Variants in RELCH observed in about 807,000 individuals in gnomAD.
RELCH encodes RAB11 binding and LisH domain, coiled-coil and HEAT repeat containing.
In RELCH, 41 loss-of-function variants were observed where a neutral mutation model predicts 150.3. That is an observed-to-expected ratio of 0.27 (90% CI 0.21 to 0.35). The LOEUF (loss-of-function observed/expected upper bound fraction) is 0.35, where lower values mean the gene tolerates loss of function less well. RELCH is among the 10% of genes least tolerant of loss of function. RELCH has a pLI of 1.00. For missense variants in RELCH, 1,092 were observed against 1,467.8 expected (o/e 0.74, Z 4.18); for synonymous variants, 478 against 531.8 (o/e 0.90, Z 1.39).
intron 27 of RELCH, among the ~76,000 whole-genome samples, chr18:62,293,001 A>G (rs181066263): frequency 2.7e-4 from 41 of 152,242 alleles, no homozygotes. Context: ...GCCTTTTATC[A>G]TCTGACACCT....
chr18:62,304,272 A>G (rs899343810), intron 28 of RELCH, among the ~76,000 whole-genome samples: 3 of 152,182 alleles, frequency 2.0e-5, no homozygotes, highest in Non-Finnish European at 4.4e-5. Context: ...AACCTTAGGG[A>G]AGATTACTTT....
chr18:62,189,272 G>GTTTTTTTTTTTTTTT (rs2038431803), intron 1 of RELCH, among the ~76,000 whole-genome samples: 1 of 107,556 alleles, frequency 9.3e-6, no homozygotes, highest in Non-Finnish European at 2.0e-5. Context: ...TTTTTTTTTT[G>GTTTTTTTTTTTTTTT]TTGTTTTTTT....
At chr18:62,258,404 C>A in intron 14 of RELCH, 108 bp from the exon 15 acceptor site, 3 of 1,026,220 alleles carry the variant, frequency 2.9e-6, no homozygotes, top group Non-Finnish European at 4.2e-6. Flanking sequence ...TTCTTTCTTG[C>A]TTAAAAATAT....
In RELCH at chr18:62,187,361, G is replaced by A; in HGVS notation, c.-145G>A. 1.5e-6 allele frequency: 1 copy of A among 683,130 alleles called. No homozygotes were observed. 42.3% of individuals were successfully genotyped at this position (683,130 alleles called of 1,614,324 possible). On this transcript the variant is annotated 5_prime_UTR_variant, in exon 1 of 29. Transcript: ENST00000644646. ...CTGCATCCGGATCTCCTGCCTTGGA[G>A]CGTACTCCTTGTCTCTAAGTCGGGA...
chr18:62,187,340 A>G lies in RELCH; in HGVS notation c.-166A>G. Reference sequence around the variant, plus strand: ...AGGCTGAGGCATCAGGTGCAGCTGCATCCGGATCTCCTGCCTTGGAGCGTA... The same window carrying G: ...AGGCTGAGGCATCAGGTGCAGCTGCGTCCGGATCTCCTGCCTTGGAGCGTA... On this transcript the variant is annotated 5_prime_UTR_variant, in exon 1 of 29. Coordinates refer to ENST00000644646, the MANE Select transcript of RELCH (RefSeq NM_001346231.2). 1 of 551,432 alleles carries G rather than the reference A, an allele frequency of 1.8e-6. No individual in the cohort carries two copies. Among genetic ancestry groups the G allele is most frequent in the Admixed American group, 3.1e-5 (1 of 31,800 alleles). 34.2% of individuals were successfully genotyped at this position (551,432 alleles called of 1,614,324 possible).
intron 10 of RELCH, among the ~76,000 whole-genome samples, chr18:62,242,837 T>C (rs534029620): frequency 1.1e-3 from 163 of 151,710 alleles, no homozygotes; most frequent in African/African-American, 3.8e-3. Context: ...CTCTACATTT[T>C]AAGTGTGTGT....
intron 5 of RELCH, among the ~76,000 whole-genome samples, chr18:62,223,933 A>G (rs375864393): frequency 2.0e-3 from 302 of 152,276 alleles, no homozygotes; most frequent in African/African-American, 6.8e-3. Flanking sequence ...GATAGAGGAC[A>G]TTTATAGAAA....
At chr18:62,208,807 G>C (rs899718198) in intron 1 of RELCH, among the ~76,000 whole-genome samples, 1 of 152,134 alleles carries the variant, frequency 6.6e-6, no homozygotes, top group Non-Finnish European at 1.5e-5. Context: ...ATGGCCTCCA[G>C]CTGTTCCCAC....
At chr18:62,283,381 T>C (rs1280473520) in intron 25 of RELCH, among the ~76,000 whole-genome samples, 1 of 152,204 alleles carries the variant, frequency 6.6e-6, no homozygotes, top group Non-Finnish European at 1.5e-5. Flanking sequence ...TCCAAAAGCA[T>C]ATCAGTTATC....
intron 25 of RELCH, among the ~76,000 whole-genome samples, chr18:62,283,345 G>A (rs183432269): frequency 1.3e-5 from 2 of 152,228 alleles, no homozygotes; most frequent in Admixed American, 6.5e-5. Flanking sequence ...TCTTTGGATA[G>A]CATCAAAGCA....
intron 10 of RELCH, among the ~76,000 whole-genome samples, chr18:62,236,747 T>C (rs1227223319): frequency 6.6e-6 from 1 of 151,894 alleles, no homozygotes; most frequent in Non-Finnish European, 1.5e-5. Flanking sequence ...ATTTTGTTTC[T>C]CTTTTCAAAA....
intron 10 of RELCH, among the ~76,000 whole-genome samples, chr18:62,243,072 T>C (rs879337925): frequency 3.3e-5 from 5 of 152,112 alleles, no homozygotes; most frequent in Non-Finnish European, 7.4e-5. Context: ...CTTCTCACTT[T>C]TTTAATGCTT....
chr18:62,214,479 A>G (rs2040363359), intron 2 of RELCH, among the ~76,000 whole-genome samples: 1 of 152,086 alleles, frequency 6.6e-6, no homozygotes. Context: ...CTCCCAGGCT[A>G]CTCCTGCAAG....
At chr18:62,278,205 G>A (rs17719025) in intron 22 of RELCH, among the ~76,000 whole-genome samples, 11,875 of 152,000 alleles carry the variant, frequency 0.078, 569 homozygotes, top group South Asian at 0.18. Flanking sequence ...CTTTTTTAAT[G>A]CTTTTGACAG....
At chr18:62,286,227 G>C (rs2044784108) in intron 25 of RELCH, among the ~76,000 whole-genome samples, 1 of 152,176 alleles carries the variant, frequency 6.6e-6, no homozygotes, top group Admixed American at 6.5e-5. Context: ...CTTTGAGAGA[G>C]ACTTAGAGTC....
At chr18:62,190,571 C>T (rs528944706) in intron 1 of RELCH, among the ~76,000 whole-genome samples, 20 of 152,100 alleles carry the variant, frequency 1.3e-4, no homozygotes, top group African/African-American at 4.8e-4. Context: ...AGCAAGACTC[C>T]ATCTCAAAAA....
rs947781700 is a variant in RELCH, at chr18:62,280,644, A to G, written c.3051-2A>G. The G allele has an allele frequency of 6.2e-7, 1 of 1,607,554 alleles. No individual in the cohort carries two copies. The highest frequency in any genetic ancestry group is 1.3e-5 in the African/African-American group (1 of 74,774). On this transcript the variant is annotated splice_acceptor_variant, in intron 23 of 28. Coordinates refer to ENST00000644646, the MANE Select transcript of RELCH (RefSeq NM_001346231.2). LOFTEE classifies it high-confidence loss of function. Reference sequence around the variant, plus strand: ...AGTTTCTTTCTGTTTTAATTCTAACAGCTCTGTCAGGATTGCCACAATTCC... The same window carrying G: ...AGTTTCTTTCTGTTTTAATTCTAACGGCTCTGTCAGGATTGCCACAATTCC...
chr18:62,198,415 G>A (rs1234499288), intron 1 of RELCH, among the ~76,000 whole-genome samples: 1 of 152,156 alleles, frequency 6.6e-6, no homozygotes, highest in Non-Finnish European at 1.5e-5. Context: ...GCAATCATGG[G>A]TGTAGCCTTC....
Position 62,293,831 on chromosome 18 carries a change from C to T in RELCH, c.3459+2200C>T, listed in dbSNP as rs17069765. Among the ~76,000 whole-genome samples, 2,524 of 152,188 alleles carry T rather than the reference C, an allele frequency of 0.017. 142 individuals are homozygous for T. The East Asian group carries it at 0.18, about 11-fold the overall frequency. On this transcript the variant is annotated intron_variant, in intron 27 of 28. Coordinates refer to ENST00000644646, the MANE Select transcript of RELCH (RefSeq NM_001346231.2). ...TCCCTAATCATGTCCCTCTCATGTG[C>T]TCCTCCAAGTTTAACACTTGCCCAG... is the stretch of plus-strand genomic sequence containing the variant.
Sources: allele counts gnomAD v4.1 joint callset (sites outside exome capture counted in the v4.1 genomes callset), GRCh38; gene constraint gnomAD v4.1.1; transcripts MANE v1.5; gene names NCBI Gene and HGNC (gene_info 2026-07-23, HGNC 2026-07-21).